Variants in CYP39A1 observed in about 807,000 individuals in gnomAD.
The protein encoded by CYP39A1 is 24-hydroxycholesterol 7-alpha-hydroxylase.
CYP39A1 carries 49 observed loss-of-function variants against 58.1 expected under a neutral mutation model. The ratio of observed to expected loss-of-function variants is 0.84; its 90% CI spans 0.67 to 1.07. The LOEUF is 1.07. Among genes scored for constraint, CYP39A1 ranks in the 50% least tolerant of loss-of-function variants. The pLI is 0.00. For synonymous variants in CYP39A1, 209 were observed against 187.6 expected, an observed-to-expected ratio of 1.11 and a Z score of -0.93; for missense variants, 531 against 539.4, an observed-to-expected ratio of 0.98 and a Z score of 0.16.
chr6:46,647,793 T>C (rs1411219815), intron 1 of CYP39A1, among the ~76,000 whole-genome samples: 1 of 152,342 alleles, frequency 6.6e-6, no homozygotes, highest in Non-Finnish European at 1.5e-5. Context: ...GAAGTATCTG[T>C]TCATATACTT....
intron 10 of CYP39A1, among the ~76,000 whole-genome samples, chr6:46,584,656 T>G (rs1772353039): frequency 6.6e-6 from 1 of 152,150 alleles, no homozygotes; most frequent in South Asian, 2.1e-4. Context: ...CCTTTTCAAT[T>G]GGGCCAGTGT....
At chr6:46,639,749 T>C (rs1776214412) in intron 2 of CYP39A1, 81 bp from the exon 3 acceptor site, 1 of 1,255,342 alleles carries the variant, frequency 8.0e-7, no homozygotes, top group South Asian at 1.5e-5. Context: ...TATTATTTGG[T>C]CAGCAGGGAC....
At chr6:46,598,491 C>T (rs1373607116) in intron 7 of CYP39A1, among the ~76,000 whole-genome samples, 1 of 152,070 alleles carries the variant, frequency 6.6e-6, no homozygotes, top group African/African-American at 2.4e-5. Context: ...CTTGATACAC[C>T]ATGGAAAGAC....
intron 8 of CYP39A1, among the ~76,000 whole-genome samples, chr6:46,589,426 C>T (rs1290155881): frequency 6.6e-6 from 1 of 152,046 alleles, no homozygotes; most frequent in Admixed American, 6.6e-5. Flanking sequence ...GTACTCTAGC[C>T]TGGGAGACAG....
intron 6 of CYP39A1, among the ~76,000 whole-genome samples, chr6:46,626,967 A>C (rs1320581196): frequency 1.3e-5 from 2 of 152,182 alleles, no homozygotes; most frequent in Non-Finnish European, 2.9e-5. Context: ...GTAATTTATA[A>C]ACAAAAGAGG....
At chr6:46,640,617 A>G (rs891357166) in intron 2 of CYP39A1, among the ~76,000 whole-genome samples, 1 of 152,108 alleles carries the variant, frequency 6.6e-6, no homozygotes, top group Non-Finnish European at 1.5e-5. Flanking sequence ...TTTTAAAAAA[A>G]TTTTGAATTT....
intron 7 of CYP39A1, among the ~76,000 whole-genome samples, chr6:46,602,092 C>G (rs1773543609): frequency 6.6e-6 from 1 of 152,088 alleles, no homozygotes; most frequent in Non-Finnish European, 1.5e-5. Context: ...TATCCAGTAT[C>G]TAACACAGTG....
intron 4 of CYP39A1, 102 bp from the exon 5 acceptor site, chr6:46,636,584 C>T (rs1776004214): frequency 9.8e-6 from 7 of 712,564 alleles, no homozygotes. Flanking sequence ...AATTAGTTCT[C>T]CAAATTTATT....
intron 7 of CYP39A1, among the ~76,000 whole-genome samples, chr6:46,609,400 G>T (rs1359130023): frequency 6.7e-6 from 1 of 149,158 alleles, no homozygotes; most frequent in Non-Finnish European, 1.5e-5. Flanking sequence ...CTGGGCGACA[G>T]CGAGACTCCG....
At position 46,652,692 on chromosome 6, in the gene CYP39A1, C is replaced by A; in HGVS notation, c.-110G>T. On this transcript the variant is annotated 5_prime_UTR_variant, in exon 1 of 12. Transcript: ENST00000275016. ...GTCGGGACTCCCAACCTTTCTGCTG[C>A]AACTTTTGCAGCTCTCCTTCGTAAC... 4 of 989,072 alleles carry A rather than the reference C, an allele frequency of 4.0e-6. No homozygotes were observed. Among genetic ancestry groups the A allele is most frequent in the Non-Finnish European group, 5.8e-6 (4 of 691,380 alleles). The allele number at this position is 989,072 out of a possible 1,614,324, so 61.3% of individuals were successfully genotyped here. A position where few individuals can be genotyped will look rare whatever the true frequency, so the allele number is the denominator to read the frequency against.
chr6:46,640,090 G>C (rs1776239413), intron 2 of CYP39A1, among the ~76,000 whole-genome samples: 1 of 152,142 alleles, frequency 6.6e-6, no homozygotes. Flanking sequence ...CAGCCTGGGT[G>C]ACAGAGAGAG....
Position 46,587,070 on chromosome 6 carries a change from C to T in CYP39A1, c.1250+7G>A. 6.2e-7 allele frequency: 1 copy of T among 1,605,890 alleles called. No homozygotes were observed. Among genetic ancestry groups the T allele is most frequent in the East Asian group, 2.2e-5 (1 of 44,794 alleles). The stretch of plus-strand genomic sequence containing the variant: ...CTGGATAAATGTGGCCCAGCTGTCT[C>T]ACTGACCTTGCAGGACACTGGAACT... On this transcript the variant is annotated splice_region_variant and intron_variant, in intron 10 of 11. Transcript: ENST00000275016.
intron 5 of CYP39A1, 93 bp from the exon 6 acceptor site, chr6:46,631,163 A>C: frequency 2.0e-6 from 2 of 1,004,858 alleles, no homozygotes; most frequent in Non-Finnish European, 3.1e-6. Flanking sequence ...TTTAATATGA[A>C]AGATATCATT....
intron 10 of CYP39A1, among the ~76,000 whole-genome samples, chr6:46,554,802 C>A (rs1770585544): frequency 6.6e-6 from 1 of 152,074 alleles, no homozygotes; most frequent in South Asian, 2.1e-4. Flanking sequence ...CAATTAGGCA[C>A]CAAGTCCTTT....
In CYP39A1 at chr6:46,639,632, T is replaced by C; in HGVS notation, c.350A>G (p.Glu117Gly). The change falls in exon 3 of 12, where the codon GAA (glutamate) becomes GGA (glycine). Residue 117 changes from glutamate (E) to glycine (G), a missense_variant. Physicochemically the swap from Glu to Gly is moderately conservative, Grantham distance 98. Coordinates refer to ENST00000275016, the MANE Select transcript of CYP39A1 (RefSeq NM_016593.5). ...CCCTTTCAACATAATATAGAGTTTT[T>C]CATGCAGTGCTAAAAAGACATTCTT... is the stretch of plus-strand genomic sequence containing the variant. ...IPKNVFLALHEKLYIMLKGKM... is the reference protein window; with the variant it reads ...IPKNVFLALHGKLYIMLKGKM... 1 of 1,613,918 alleles carries C rather than the reference T, an allele frequency of 6.2e-7. No homozygotes were observed. The highest frequency in any genetic ancestry group is 8.5e-7 in the Non-Finnish European group (1 of 1,179,936).
At chr6:46,552,388 G>A (rs1051434746) in intron 11 of CYP39A1, among the ~76,000 whole-genome samples, 1 of 152,086 alleles carries the variant, frequency 6.6e-6, no homozygotes, top group Non-Finnish European at 1.5e-5. Flanking sequence ...CTTCATCACC[G>A]ATAAGTTACT....
intron 1 of CYP39A1, among the ~76,000 whole-genome samples, chr6:46,648,212 CG>C (rs1762449355): frequency 6.6e-6 from 1 of 151,966 alleles, no homozygotes; most frequent in South Asian, 2.1e-4. Context: ...CACATGCACA[CG>C]TATGTTTACT....
intron 7 of CYP39A1, among the ~76,000 whole-genome samples, chr6:46,613,385 G>A (rs1050938921): frequency 2.0e-5 from 3 of 152,186 alleles, no homozygotes. Flanking sequence ...TGAGTGACAA[G>A]ATTGAAATTC....
At position 46,557,951 on chromosome 6, in the gene CYP39A1, A is replaced by AG. The variant is rs538886077; in HGVS notation, c.1251-4098_1251-4097insC. ...TCCATCTCAAAAAAAAAAAAAAAAA[A>AG]AAAGAAAAAAAGAAAAAGAAAATCA... On this transcript the variant is annotated intron_variant, in intron 10 of 11. Transcript: ENST00000275016. Among the ~76,000 whole-genome samples the AG allele has an allele frequency of 2.8e-4, 42 of 150,548 alleles. No homozygotes were observed. In the South Asian group the frequency reaches 8.2e-3, roughly 29 times the overall value.
Sources: gnomAD v4.1 joint callset for allele counts (sites outside exome capture counted in the v4.1 genomes callset) on GRCh38, gnomAD v4.1.1 for gene constraint, MANE v1.5 for transcripts, NCBI Gene and HGNC (gene_info 2026-07-23, HGNC 2026-07-21) for gene names.